COL4A3: variants seen among roughly 807,000 people sequenced by gnomAD.
The protein encoded by COL4A3 is collagen alpha-3(IV) chain.
COL4A3 carries 135 observed loss-of-function variants against 217.4 expected under a neutral mutation model. The ratio of observed to expected loss-of-function variants is 0.62; its 90% CI spans 0.54 to 0.72. COL4A3 has a LOEUF of 0.72. Ranked by LOEUF, COL4A3 falls within the 30% of genes least tolerant of loss-of-function variation. The probability of loss-of-function intolerance (pLI) is 0.00; values close to 1 mark genes in which losing one functional copy is unlikely to be tolerated. For synonymous variants in COL4A3, 690 were observed against 736.3 expected (o/e 0.94, Z 1.02); for missense variants, 1,868 against 2,119.9 (o/e 0.88, Z 2.33).
chr2:227,208,536 C>A (rs924566413), intron 1 of COL4A3, among the ~76,000 whole-genome samples: 1 of 152,106 alleles, frequency 6.6e-6, no homozygotes, highest in Non-Finnish European at 1.5e-5. Context: ...GATTCCATCT[C>A]CAACCTGACC....
chr2:227,218,396 G>T (rs1469702043), intron 1 of COL4A3, among the ~76,000 whole-genome samples: 1 of 152,114 alleles, frequency 6.6e-6, no homozygotes, highest in Non-Finnish European at 1.5e-5. Context: ...AACCCGGGAG[G>T]AGGAGCTTGC....
chr2:227,189,044 C>T (rs568932829), intron 1 of COL4A3, among the ~76,000 whole-genome samples: 1 of 152,250 alleles, frequency 6.6e-6, no homozygotes, highest in Admixed American at 6.5e-5. Flanking sequence ...GGAGGAGAGA[C>T]TCTTCCATAT....
In COL4A3 at chr2:227,266,417, G is replaced by T. The variant is rs770219564; in HGVS notation, c.1316G>T (p.Gly439Val). The T allele has an allele frequency of 3.7e-6, 6 of 1,612,978 alleles. No individual in the cohort carries two copies. The Admixed American group carries it at 8.3e-5, about 22-fold the overall frequency. Residue 439 changes from glycine to valine, a missense_variant and splice_region_variant, in exon 22 of 52, where the codon GGT becomes GTT. By Grantham distance (109) the Gly-to-Val change is moderately radical (BLOSUM62 -3). This residue lies in a region of COL4A3 where 1,503 missense variants were observed against 1,786.1 expected (regional missense o/e 0.84). Coordinates refer to ENST00000396578, the MANE Select transcript of COL4A3 (RefSeq NM_000091.5). The stretch of plus-strand genomic sequence containing the variant: ...TGTCTTTGGTGCTGTATTTTTATAG[G>T]TGACATCGTTTTTCGCAAGGGTCCA... ...PGSPGPPGPPGDIVFRKGPPG... is the reference protein window; with the variant it reads ...PGSPGPPGPPVDIVFRKGPPG...
chr2:227,178,780 C>T (rs983090949), intron 1 of COL4A3, among the ~76,000 whole-genome samples: 4 of 151,842 alleles, frequency 2.6e-5, no homozygotes, highest in African/African-American at 4.8e-5. Context: ...GAACTCCCAA[C>T]CTCAGGTGAC....
Position 227,293,213 on chromosome 2 carries a change from A to C in COL4A3, c.3233A>C (p.Asp1078Ala), listed in dbSNP as rs766520935. The change falls in exon 38 of 52, where the codon GAT becomes GCT. Residue 1078 changes from aspartate to alanine, a missense_variant. Coordinates refer to ENST00000396578, the MANE Select transcript of COL4A3 (RefSeq NM_000091.5). ...GPTGDPGLPGDMGKKGEMGQP... is the reference protein window; with the variant it reads ...GPTGDPGLPGAMGKKGEMGQP... ...AAGGGGGATCCAGGACTGCCGGGTG[A>C]TATGGGAAAGAAAGGAGAAATGGGG... is the stretch of plus-strand genomic sequence containing the variant. 1.4e-5 allele frequency: 23 copies of C among 1,613,860 alleles called. No homozygotes were observed. In the Middle Eastern group the frequency reaches 5.0e-4, roughly 35 times the overall value.
rs764680234 is a variant in COL4A3, at chr2:227,272,949, G to T, written c.1759G>T (p.Ala587Ser). 16 of 1,613,928 alleles carry T rather than the reference G, an allele frequency of 9.9e-6. No individual in the cohort carries two copies. In the South Asian group the frequency reaches 1.8e-4, roughly 18 times the overall value. Residue 587 changes from alanine (A) to serine (S), a missense_variant and splice_region_variant, in exon 26 of 52, where the codon GCT (alanine) becomes TCT (serine). By Grantham distance (99) the Ala-to-Ser change is moderately conservative (BLOSUM62 1). Transcript: ENST00000396578. Reference sequence around the variant, plus strand: ...TTCAAACACATTCCTGTTGTCACAGGCTCTGAGTGGTGAGAAAGGGGACCA... The same window carrying T: ...TTCAAACACATTCCTGTTGTCACAGTCTCTGAGTGGTGAGAAAGGGGACCA... The part of the protein sequence containing the change: ...KGLPGPKGEL[A>S]LSGEKGDQGP...
intron 1 of COL4A3, among the ~76,000 whole-genome samples, chr2:227,183,637 G>T (rs1395860739): frequency 6.6e-6 from 1 of 152,182 alleles, no homozygotes; most frequent in Admixed American, 6.5e-5. Flanking sequence ...AAGGTCAACA[G>T]GCAGGCTTAT....
rs564650913 is a variant in COL4A3 at position 227,294,191 on chromosome 2, T to A, written c.3338-299T>A. 24 of 380,804 alleles carry A rather than the reference T, an allele frequency of 6.3e-5. 1 individual carries two copies. In the Middle Eastern group the frequency reaches 3.3e-3, roughly 52 times the overall value. The allele number at this position is 380,804 out of a possible 1,614,324, so 23.6% of individuals were successfully genotyped here. ...TTACTTAAATACAATAAACTACCTG[T>A]TCAAATACAGAAAGTTTCAATAAAT... is the stretch of plus-strand genomic sequence containing the variant. On this transcript the variant is annotated intron_variant, in intron 38 of 51. Transcript: ENST00000396578.
chr2:227,291,074 T>C, intron 37 of COL4A3, 188 bp downstream of exon 37: 1 of 633,690 alleles, frequency 1.6e-6, no homozygotes, highest in Non-Finnish European at 2.7e-6. Flanking sequence ...AGCTGTCAAC[T>C]TCTGAGAGCC....
chr2:227,170,068 G>C (rs924622230), intron 1 of COL4A3, among the ~76,000 whole-genome samples: 2 of 152,066 alleles, frequency 1.3e-5, no homozygotes, highest in African/African-American at 4.8e-5. Context: ...GATTTCTGTG[G>C]GATGTTAATT....
rs11680670 is a variant in COL4A3, at chr2:227,304,916, C to T, written c.4154-69C>T. On this transcript the variant is annotated intron_variant, in intron 46 of 51. Transcript: ENST00000396578. ...TGAAACTGAGAAAGTCCTGGGTTAA[C>T]GGGATGGTTGGCCACCTTACTTTTC... 448,446 of 1,264,998 alleles carry T rather than the reference C, an allele frequency of 0.35. 83,383 individuals carry two copies. Among genetic ancestry groups the T allele is most frequent in the South Asian group, 0.46 (36,679 of 79,216 alleles). 78.4% of individuals were successfully genotyped at this position (1,264,998 alleles called of 1,614,324 possible). A position where few individuals can be genotyped will look rare whatever the true frequency, so the allele number is the denominator to read the frequency against.
At chr2:227,258,319 G>A (rs907478373) in intron 18 of COL4A3, among the ~76,000 whole-genome samples, 1 of 152,202 alleles carries the variant, frequency 6.6e-6, no homozygotes. Flanking sequence ...AGGGGAAGGG[G>A]TGTCCTGTTA....
At chr2:227,197,013 C>A (rs146936096) in intron 1 of COL4A3, among the ~76,000 whole-genome samples, 3,095 of 152,050 alleles carry the variant, frequency 0.02, 41 homozygotes, top group Non-Finnish European at 0.032. Context: ...GTGAGTGAGT[C>A]TCATGAGATC....
intron 1 of COL4A3, among the ~76,000 whole-genome samples, chr2:227,205,247 T>G (rs2067056745): frequency 6.6e-6 from 1 of 152,184 alleles, no homozygotes; most frequent in South Asian, 2.1e-4. Context: ...CATATGTTAT[T>G]CAGCTCATTT....
intron 1 of COL4A3, among the ~76,000 whole-genome samples, chr2:227,204,872 TTAA>T (rs1574565247): frequency 6.6e-6 from 1 of 152,378 alleles, no homozygotes; most frequent in East Asian, 1.9e-4. Flanking sequence ...TTCCAAATGT[TTAA>T]TGTTTCCAAT....
In COL4A3 at chr2:227,191,942, GA is replaced by G. The variant is rs940459919; in HGVS notation, c.87+27136del. Among the ~76,000 whole-genome samples the G allele has an allele frequency of 6.6e-6, 1 of 152,080 alleles. No homozygotes were observed. Among genetic ancestry groups the G allele is most frequent in the Non-Finnish European group, 1.5e-5 (1 of 68,012 alleles). The stretch of plus-strand genomic sequence containing the variant: ...CAGACACTTGAGAATTGTGGAAAGG[GA>G]AAAAAATTATCGAAGGAAAGTCATA... On this transcript the variant is annotated intron_variant, in intron 1 of 51. Transcript: ENST00000396578. This position sits in a 1 kb window ranked among gnomAD's most constrained non-coding sequence, Gnocchi z 6.8.
chr2:227,295,961 T>G (rs1243511494), intron 41 of COL4A3, among the ~76,000 whole-genome samples: 1 of 152,222 alleles, frequency 6.6e-6, no homozygotes, highest in East Asian at 1.9e-4. Flanking sequence ...AACATCAGAT[T>G]GTTTGCACAT....
At chr2:227,236,185 C>T (rs924561726) in intron 1 of COL4A3, among the ~76,000 whole-genome samples, 7 of 152,190 alleles carry the variant, frequency 4.6e-5, no homozygotes, top group African/African-American at 1.7e-4. Context: ...TTTGCAATTG[C>T]GAATAGTCCT....
At chr2:227,213,826 C>G (rs545870189) in intron 1 of COL4A3, among the ~76,000 whole-genome samples, 3 of 142,298 alleles carry the variant, frequency 2.1e-5, no homozygotes, top group African/African-American at 7.9e-5. Flanking sequence ...GGCGTGAACC[C>G]AGAAGACAGA....
Sources: allele counts gnomAD v4.1 joint callset (sites outside exome capture counted in the v4.1 genomes callset), GRCh38; gene constraint gnomAD v4.1.1; regional missense constraint gnomAD v4.1.1; non-coding constraint Gnocchi (gnomAD v3.1); transcripts MANE v1.5; gene names NCBI Gene and HGNC (gene_info 2026-07-23, HGNC 2026-07-21).